Variants in LGR5 observed in about 807,000 individuals in gnomAD.
The protein encoded by LGR5 is leucine rich repeat containing G protein-coupled receptor 5.
A neutral mutation model predicts 76.7 loss-of-function variants in LGR5; 54 were observed. That is an observed-to-expected ratio of 0.70 (90% CI 0.57 to 0.88). LGR5 has a LOEUF of 0.88. Ranked by LOEUF, LGR5 falls within the 40% of genes least tolerant of loss-of-function variation. The pLI is 0.00. For missense variants in LGR5, 1,078 were observed against 1,073.3 expected, an observed-to-expected ratio of 1.00 and a Z score of -0.06; for synonymous variants, 406 against 421.9, an observed-to-expected ratio of 0.96 and a Z score of 0.46.
chr12:71,478,739 A>G (rs1408365829), intron 1 of LGR5, among the ~76,000 whole-genome samples: 1 of 152,230 alleles, frequency 6.6e-6, no homozygotes, highest in Admixed American at 6.5e-5. Context: ...TAGGTCATCA[A>G]ATACAATTCA....
intron 2 of LGR5, among the ~76,000 whole-genome samples, chr12:71,521,210 A>G (rs1410135080): frequency 6.6e-6 from 1 of 152,220 alleles, no homozygotes; most frequent in Non-Finnish European, 1.5e-5. Flanking sequence ...ATTGGGGACA[A>G]TATCTAGGCA....
intron 2 of LGR5, among the ~76,000 whole-genome samples, chr12:71,520,032 A>G (rs1378476007): frequency 6.6e-6 from 1 of 152,034 alleles, no homozygotes; most frequent in Non-Finnish European, 1.5e-5. Flanking sequence ...CATTTGACCC[A>G]AGAATTCCAC....
intron 1 of LGR5, among the ~76,000 whole-genome samples, chr12:71,481,802 T>G (rs1405430903): frequency 6.6e-6 from 1 of 152,164 alleles, no homozygotes; most frequent in East Asian, 1.9e-4. Context: ...ATTAAAACTT[T>G]TAGAAGATTT....
intron 1 of LGR5, among the ~76,000 whole-genome samples, chr12:71,453,778 G>T (rs1274772215): frequency 6.6e-6 from 1 of 151,734 alleles, no homozygotes; most frequent in African/African-American, 2.4e-5. Context: ...GAATGGGCTT[G>T]TGTCTACCTG....
intron 6 of LGR5, among the ~76,000 whole-genome samples, chr12:71,557,285 A>C (rs1286844448): frequency 6.6e-6 from 1 of 152,194 alleles, no homozygotes; most frequent in East Asian, 1.9e-4. Flanking sequence ...ACCTTGTCTC[A>C]AAAAAAGAAA....
At chr12:71,537,673 T>C (rs775631770) in intron 4 of LGR5, among the ~76,000 whole-genome samples, 20 of 152,168 alleles carry the variant, frequency 1.3e-4, no homozygotes, top group Non-Finnish European at 2.8e-4. Context: ...TACTTCTCCT[T>C]CTTCCTTTAA....
At chr12:71,546,317 A>T (rs1037205205) in intron 4 of LGR5, among the ~76,000 whole-genome samples, 9 of 148,816 alleles carry the variant, frequency 6.0e-5, no homozygotes, top group African/African-American at 2.0e-4. Context: ...TCAGTCTCAA[A>T]ATATATATAT....
chr12:71,501,664 T>C (rs1225509491), intron 1 of LGR5, among the ~76,000 whole-genome samples: 1 of 152,230 alleles, frequency 6.6e-6, no homozygotes, highest in Non-Finnish European at 1.5e-5. Context: ...CTGGAAACTT[T>C]TGTAGTCATT....
At chr12:71,463,110 A>G (rs1489641672) in intron 1 of LGR5, among the ~76,000 whole-genome samples, 1 of 152,216 alleles carries the variant, frequency 6.6e-6, no homozygotes, top group African/African-American at 2.4e-5. Context: ...AATTATATAA[A>G]TATTTGAGTG....
intron 8 of LGR5, among the ~76,000 whole-genome samples, chr12:71,563,337 A>G (rs1031591644): frequency 6.6e-6 from 1 of 151,708 alleles, no homozygotes; most frequent in African/African-American, 2.4e-5. Flanking sequence ...CCTCCACTGC[A>G]CCAGCCTCTC....
At chr12:71,524,502 T>C (rs368406627) in intron 3 of LGR5, 25 bp downstream of exon 3, 4 of 1,544,538 alleles carry the variant, frequency 2.6e-6, no homozygotes, top group Non-Finnish European at 2.7e-6. Flanking sequence ...TGTTGTTGGA[T>C]ATATTTCTGA....
At position 71,451,805 on chromosome 12, in the gene LGR5, G is replaced by A. The variant is rs142300427; in HGVS notation, c.212+11513G>A. The stretch of plus-strand genomic sequence containing the variant: ...ATCTTGGAGCCTTGCTGCTCCTAGA[G>A]AGACTGCCCCTCCTAGGGCTAGGGA... On this transcript the variant is annotated intron_variant, in intron 1 of 17. Coordinates refer to ENST00000266674, the MANE Select transcript of LGR5 (RefSeq NM_003667.4). Among the ~76,000 whole-genome samples, 521 of 152,266 alleles carry A rather than the reference G, an allele frequency of 3.4e-3. 4 individuals are homozygous for A. The highest frequency in any genetic ancestry group is 0.012 in the African/African-American group (505 of 41,554).
At chr12:71,570,348 A>G (rs1452028111) in intron 11 of LGR5, among the ~76,000 whole-genome samples, 1 of 152,172 alleles carries the variant, frequency 6.6e-6, no homozygotes, top group African/African-American at 2.4e-5. Context: ...GTGCTTGGTC[A>G]GTGTTAGCCC....
intron 4 of LGR5, among the ~76,000 whole-genome samples, chr12:71,546,264 A>G (rs888022088): frequency 2.0e-4 from 30 of 151,776 alleles, no homozygotes; most frequent in Admixed American, 1.6e-3. Flanking sequence ...GCAGTGAGCC[A>G]AGATTGGACC....
At chr12:71,472,851 C>T (rs892022701) in intron 1 of LGR5, among the ~76,000 whole-genome samples, 5 of 152,200 alleles carry the variant, frequency 3.3e-5, no homozygotes, top group African/African-American at 1.2e-4. Flanking sequence ...ATGTGTTACA[C>T]ATGGCATATG....
intron 1 of LGR5, among the ~76,000 whole-genome samples, chr12:71,459,029 A>C (rs1159223726): frequency 6.6e-6 from 1 of 151,990 alleles, no homozygotes; most frequent in Admixed American, 6.6e-5. Flanking sequence ...TTCCCATTTA[A>C]GTCTGAGCAG....
At chr12:71,529,357 C>T (rs923033190) in intron 3 of LGR5, among the ~76,000 whole-genome samples, 1 of 151,860 alleles carries the variant, frequency 6.6e-6, no homozygotes, top group African/African-American at 2.4e-5. Flanking sequence ...AGAGAGAGAG[C>T]GAGGGGGGAT....
chr12:71,559,549 A>T, intron 6 of LGR5, 37 bp from the exon 7 acceptor site: 1 of 1,177,754 alleles, frequency 8.5e-7, no homozygotes, highest in Non-Finnish European at 1.3e-6. Context: ...ATGAAGTTTT[A>T]AATAAAAAAC....
chr12:71,546,472 G>C (rs1036633458), intron 4 of LGR5, among the ~76,000 whole-genome samples: 1 of 151,868 alleles, frequency 6.6e-6, no homozygotes. Context: ...CTCTGTTCTC[G>C]CATCCATCCA....
Sources: gnomAD v4.1 joint callset for allele counts (sites outside exome capture counted in the v4.1 genomes callset) on GRCh38, gnomAD v4.1.1 for gene constraint, MANE v1.5 for transcripts, NCBI Gene and HGNC (gene_info 2026-07-23, HGNC 2026-07-21) for gene names.